Variants in SPIRE2 observed in about 807,000 individuals in gnomAD.
The protein encoded by SPIRE2 is protein spire homolog 2.
A neutral mutation model predicts 80.7 loss-of-function variants in SPIRE2; 76 were observed. The observed-to-expected ratio is 0.94, with a 90% CI of 0.78 to 1.14. The LOEUF (loss-of-function observed/expected upper bound fraction) is 1.14, where lower values mean the gene tolerates loss of function less well. Ranked by LOEUF, SPIRE2 falls within the 50% of genes most tolerant of loss-of-function variation. SPIRE2 has a pLI of 0.00. For missense variants in SPIRE2, 1,196 were observed against 1,015.3 expected (o/e 1.18, Z -2.42); for synonymous variants, 535 against 432.6 (o/e 1.24, Z -2.94).
At chr16:89,853,311 CT>C (rs2041654794) in intron 3 of SPIRE2, among the ~76,000 whole-genome samples, 6 of 28,650 alleles carry the variant, frequency 2.1e-4, no homozygotes, top group Admixed American at 4.5e-4. Context: ...CCAGAAAGCA[CT>C]TTCTTTAGGA....
At chr16:89,854,183 G>A (rs769840552) in intron 3 of SPIRE2, 103 bp from the exon 4 acceptor site, 10 of 1,068,946 alleles carry the variant, frequency 9.4e-6, no homozygotes, top group South Asian at 4.4e-5. Flanking sequence ...CCGGCTGGTC[G>A]AGTGGAGCCC....
At chr16:89,867,124 G>GT (rs1309536294) in intron 12 of SPIRE2, among the ~76,000 whole-genome samples, 4 of 150,398 alleles carry the variant, frequency 2.7e-5, no homozygotes, top group South Asian at 2.1e-4. Flanking sequence ...TTTTTTTTTT[G>GT]TTTTTTGTTG....
At chr16:89,845,411 G>A (rs375289062) in intron 2 of SPIRE2, 46 bp downstream of exon 2, 14 of 1,466,184 alleles carry the variant, frequency 9.5e-6, no homozygotes, top group Admixed American at 1.7e-5. Context: ...GTGTTAAAAC[G>A]TACCTGCATC....
intron 1 of SPIRE2, among the ~76,000 whole-genome samples, chr16:89,839,209 C>A (rs1196834020): frequency 6.6e-6 from 1 of 151,946 alleles, no homozygotes; most frequent in Non-Finnish European, 1.5e-5. Context: ...AAAAAAATTA[C>A]TAAAAATACA....
chr16:89,858,539 C>A, intron 8 of SPIRE2, 32 bp downstream of exon 8: 2 of 1,514,772 alleles, frequency 1.3e-6, no homozygotes, highest in Non-Finnish European at 1.8e-6. Context: ...TGAAAAGAGA[C>A]CAGGAATGGG....
intron 10 of SPIRE2, chr16:89,862,933 T>C (rs1050576901): frequency 1.9e-5 from 3 of 159,614 alleles, no homozygotes; most frequent in Admixed American, 1.7e-4. Flanking sequence ...AACTGAGGCT[T>C]AGAGAGATCA....
At chr16:89,853,119 G>A (rs1240536248) in intron 3 of SPIRE2, among the ~76,000 whole-genome samples, 4 of 152,188 alleles carry the variant, frequency 2.6e-5, no homozygotes, top group Non-Finnish European at 4.4e-5. Flanking sequence ...CTGCTGTTGT[G>A]TCTCTGATCA....
At chr16:89,850,278 C>A in intron 2 of SPIRE2, 26 bp from the exon 3 acceptor site, 1 of 1,593,540 alleles carries the variant, frequency 6.3e-7, no homozygotes, top group Non-Finnish European at 8.5e-7. Context: ...GCAGTACCGC[C>A]CAGTGACCGC....
intron 1 of SPIRE2, among the ~76,000 whole-genome samples, chr16:89,831,199 G>T (rs1276092089): frequency 6.7e-6 from 1 of 150,096 alleles, no homozygotes; most frequent in African/African-American, 2.4e-5. Flanking sequence ...GTGAGCCACT[G>T]CGCCCAGCTG....
chr16:89,870,296 A>G lies in SPIRE2; in HGVS notation c.*24A>G. 1 of 1,509,412 alleles carries G rather than the reference A, an allele frequency of 6.6e-7. No individual in the cohort carries two copies. The highest frequency in any genetic ancestry group is 1.2e-5 in the South Asian group (1 of 84,782). The allele number at this position is 1,509,412 out of a possible 1,614,324, so 93.5% of individuals were successfully genotyped here. ...GACAGCCCCAGGTGGCCAGGCCTCC[A>G]GGAGGCACCAGGCAGGCCCTGTATC... is the stretch of plus-strand genomic sequence containing the variant. On this transcript the variant is annotated 3_prime_UTR_variant, in exon 15 of 15. Transcript: ENST00000378247.
rs755140446 is a variant in SPIRE2, at chr16:89,858,430, A to G, written c.1195A>G (p.Ser399Gly). 8 of 1,611,804 alleles carry G rather than the reference A, an allele frequency of 5.0e-6. No homozygotes were observed. Among genetic ancestry groups the G allele is most frequent in the Non-Finnish European group, 6.8e-6 (8 of 1,179,560 alleles). Residue 399 changes from serine (S) to glycine (G), a missense_variant, in exon 8 of 15, where the codon AGC becomes GGC. Ser to Gly is a moderately conservative substitution (Grantham distance 56). Transcript: ENST00000378247. The stretch of plus-strand genomic sequence containing the variant: ...CCTGTCAGTCACAGATGCTGGGGGC[A>G]GCGCCCAGCGCCCGCGGCCCCGCGT... The part of the protein sequence containing the change: ...INLSVTDAGG[S>G]AQRPRPRVLL...
intron 7 of SPIRE2, 80 bp from the exon 8 acceptor site, chr16:89,858,258 T>G: frequency 7.2e-7 from 1 of 1,381,698 alleles, no homozygotes; most frequent in Non-Finnish European, 9.7e-7. Flanking sequence ...TTAAGCCAGC[T>G]GGTGCACACA....
intron 9 of SPIRE2, among the ~76,000 whole-genome samples, chr16:89,859,779 C>T (rs970096979): frequency 1.3e-5 from 2 of 152,106 alleles, no homozygotes; most frequent in African/African-American, 2.4e-5. Context: ...CTGCTGAGCA[C>T]AGAACGATTC....
At chr16:89,830,440 C>A (rs1240307066) in intron 1 of SPIRE2, among the ~76,000 whole-genome samples, 3 of 151,334 alleles carry the variant, frequency 2.0e-5, no homozygotes, top group African/African-American at 7.3e-5. Context: ...TAAGAAAAAT[C>A]TATTACCCTG....
intron 5 of SPIRE2, 82 bp downstream of exon 5, chr16:89,854,733 T>TCGTGGTGAG (rs1442572692): frequency 1.0e-5 from 14 of 1,341,984 alleles, no homozygotes; most frequent in Non-Finnish European, 1.2e-5. Context: ...AGCCTGGATG[T>TCGTGGTGAG]TGGGCAGCCC....
intron 2 of SPIRE2, among the ~76,000 whole-genome samples, chr16:89,849,526 A>G (rs1460745498): frequency 6.6e-6 from 1 of 152,198 alleles, no homozygotes; most frequent in Non-Finnish European, 1.5e-5. Context: ...AAGACATGGA[A>G]CACAGCACTG....
intron 4 of SPIRE2, 53 bp downstream of exon 4, chr16:89,854,419 G>C: frequency 6.2e-7 from 1 of 1,611,110 alleles, no homozygotes; most frequent in South Asian, 1.1e-5. Context: ...GCCTGCCAAG[G>C]GTCTCTGCCT....
At chr16:89,869,470 C>G in intron 13 of SPIRE2, 97 bp from the exon 14 acceptor site, 1 of 781,232 alleles carries the variant, frequency 1.3e-6, no homozygotes, top group South Asian at 1.5e-5. Context: ...CTGGCTGCCA[C>G]GCAGGTCCCA....
intron 3 of SPIRE2, among the ~76,000 whole-genome samples, chr16:89,853,549 C>G (rs1188210393): frequency 1.3e-5 from 2 of 152,200 alleles, no homozygotes; most frequent in Non-Finnish European, 2.9e-5. Context: ...GGCAGACACA[C>G]ACCTCACGCT....
Sources: gnomAD v4.1 joint callset for allele counts (sites outside exome capture counted in the v4.1 genomes callset) on GRCh38, gnomAD v4.1.1 for gene constraint, MANE v1.5 for transcripts, NCBI Gene and HGNC (gene_info 2026-07-23, HGNC 2026-07-21) for gene names.